Variants in GABRB1 observed in about 807,000 individuals in gnomAD.
The protein encoded by GABRB1 is gamma-aminobutyric acid receptor subunit beta-1.
In GABRB1, 17 loss-of-function variants were observed where a neutral mutation model predicts 51.6. The observed-to-expected ratio is 0.33, with a 90% CI of 0.23 to 0.49. GABRB1 has a LOEUF of 0.49. Among genes scored for constraint, GABRB1 ranks in the 20% least tolerant of loss-of-function variants. The pLI, the probability that GABRB1 is intolerant of heterozygous loss-of-function variation, is 0.99. For synonymous variants in GABRB1, 247 were observed against 218.9 expected, an observed-to-expected ratio of 1.13 and a Z score of -1.14; for missense variants, 410 against 600.6, an observed-to-expected ratio of 0.68 and a Z score of 3.32.
intron 4 of GABRB1, among the ~76,000 whole-genome samples, chr4:47,228,570 T>A (rs1411828129): frequency 6.6e-6 from 1 of 152,176 alleles, no homozygotes; most frequent in Non-Finnish European, 1.5e-5. Context: ...GGTAGCACTC[T>A]GGATCTTTGT....
intron 4 of GABRB1, among the ~76,000 whole-genome samples, chr4:47,295,856 G>A (rs1723967422): frequency 1.3e-5 from 2 of 152,188 alleles, no homozygotes; most frequent in East Asian, 3.9e-4. Context: ...GGTAGCCAGA[G>A]AGAAAGGTCG....
chr4:47,412,417 CTA>C (rs1241841494), intron 8 of GABRB1, among the ~76,000 whole-genome samples: 1 of 152,108 alleles, frequency 6.6e-6, no homozygotes, highest in African/African-American at 2.4e-5. Flanking sequence ...GAAAAAGAGA[CTA>C]TACTCCACTT....
chr4:47,384,346 A>G lies in GABRB1; in HGVS notation c.545-18972A>G, dbSNP rs560618870. ...TTTAGATTTTAATGGATTTTCCAAA[A>G]ATGTGCTTTATTGACAAATCACTAT... On this transcript the variant is annotated intron_variant, in intron 5 of 8. Coordinates refer to ENST00000295454, the MANE Select transcript of GABRB1 (RefSeq NM_000812.4). 6.7e-4 allele frequency among the ~76,000 whole-genome samples: 102 copies of G among 152,074 alleles called. 1 individual carries two copies. Among genetic ancestry groups the G allele is most frequent in the Middle Eastern group, 3.4e-3 (1 of 294 alleles).
chr4:47,099,138 A>G (rs1044550410), intron 3 of GABRB1, among the ~76,000 whole-genome samples: 5 of 152,096 alleles, frequency 3.3e-5, no homozygotes, highest in African/African-American at 9.7e-5. Flanking sequence ...GGGTTTGAAA[A>G]TTCTATCAAA....
At chr4:47,140,677 G>A (rs1455488258) in intron 3 of GABRB1, among the ~76,000 whole-genome samples, 1 of 151,194 alleles carries the variant, frequency 6.6e-6, no homozygotes, top group Non-Finnish European at 1.5e-5. Context: ...ATGAGAAAGT[G>A]CCCTTTCCCC....
chr4:47,413,510 T>A (rs1219472233), intron 8 of GABRB1, among the ~76,000 whole-genome samples: 1 of 152,228 alleles, frequency 6.6e-6, no homozygotes, highest in Non-Finnish European at 1.5e-5. Flanking sequence ...ACCTGCTAGT[T>A]AAACTCAAAA....
At chr4:47,049,246 C>T (rs988571271) in intron 3 of GABRB1, among the ~76,000 whole-genome samples, 3 of 152,082 alleles carry the variant, frequency 2.0e-5, no homozygotes, top group African/African-American at 7.2e-5. Context: ...CCCGAATAAT[C>T]CAAAATCATT....
chr4:47,383,723 G>A (rs983740590), intron 5 of GABRB1, among the ~76,000 whole-genome samples: 1 of 152,192 alleles, frequency 6.6e-6, no homozygotes, highest in East Asian at 1.9e-4. Context: ...AAATGTTAGT[G>A]AAAGTATTAT....
chr4:47,116,804 T>C (rs1434424457), intron 3 of GABRB1, among the ~76,000 whole-genome samples: 2 of 152,144 alleles, frequency 1.3e-5, no homozygotes, highest in African/African-American at 4.8e-5. Context: ...GACTCACAGT[T>C]CCACAGGCTG....
chr4:47,277,003 A>G (rs1002789995), intron 4 of GABRB1, among the ~76,000 whole-genome samples: 18 of 152,076 alleles, frequency 1.2e-4, no homozygotes, highest in African/African-American at 4.3e-4. Context: ...CATAGGTAGG[A>G]TTCTAGGGGT....
rs78414506 is a variant in GABRB1 at position 47,182,205 on chromosome 4, G to A, written c.461+20736G>A. Among the ~76,000 whole-genome samples, 913 of 152,020 alleles carry A rather than the reference G, an allele frequency of 6.0e-3. 8 individuals carry two copies. Among genetic ancestry groups the A allele is most frequent in the African/African-American group, 0.019 (779 of 41,504 alleles). ...AGCATGAGAGCCATTTCCTGGGATCGCTCAGAAAAGCATGAGAGAAATTTC... is the reference window on the plus strand; with the variant it reads ...AGCATGAGAGCCATTTCCTGGGATCACTCAGAAAAGCATGAGAGAAATTTC... On this transcript the variant is annotated intron_variant, in intron 4 of 8. Coordinates refer to ENST00000295454, the MANE Select transcript of GABRB1 (RefSeq NM_000812.4).
intron 3 of GABRB1, among the ~76,000 whole-genome samples, chr4:47,040,631 A>T (rs1053498803): frequency 1.2e-4 from 19 of 152,308 alleles, no homozygotes; most frequent in African/African-American, 2.6e-4. Context: ...AGTATATGTT[A>T]TAAGGCACTT....
chr4:47,292,036 G>A (rs185131272), intron 4 of GABRB1, among the ~76,000 whole-genome samples: 2,220 of 152,278 alleles, frequency 0.015, 24 homozygotes, highest in Non-Finnish European at 0.021. Context: ...GGAATGATAA[G>A]GTTTGGTTTT....
chr4:47,014,805 A>G (rs558534227), intron 1 of GABRB1, among the ~76,000 whole-genome samples: 9 of 152,380 alleles, frequency 5.9e-5, no homozygotes, highest in African/African-American at 1.9e-4. Flanking sequence ...AATCCAGGAT[A>G]TAGATAGGAT....
At chr4:47,352,589 C>T (rs965469600) in intron 5 of GABRB1, among the ~76,000 whole-genome samples, 2 of 152,170 alleles carry the variant, frequency 1.3e-5, no homozygotes, top group Admixed American at 6.5e-5. Flanking sequence ...GGCTTCATCC[C>T]TGGGATGCAA....
At chr4:47,324,368 C>T (rs573077568) in intron 5 of GABRB1, among the ~76,000 whole-genome samples, 15 of 152,266 alleles carry the variant, frequency 9.9e-5, no homozygotes, top group African/African-American at 3.6e-4. Context: ...CACCCCTGAG[C>T]TCTCAGATCC....
At chr4:47,305,565 G>A (rs1724434757) in intron 4 of GABRB1, among the ~76,000 whole-genome samples, 1 of 151,998 alleles carries the variant, frequency 6.6e-6, no homozygotes, top group Non-Finnish European at 1.5e-5. Flanking sequence ...ATTTCCTATG[G>A]GGTACTTACC....
At chr4:47,401,925 A>G (rs2110049896) in intron 5 of GABRB1, among the ~76,000 whole-genome samples, 1 of 152,232 alleles carries the variant, frequency 6.6e-6, no homozygotes, top group East Asian at 1.9e-4. Flanking sequence ...GTTTTTATCA[A>G]ATTCTCAAGG....
intron 3 of GABRB1, among the ~76,000 whole-genome samples, chr4:47,123,264 T>G (rs145037694): frequency 0.013 from 1,798 of 143,770 alleles, 12 homozygotes; most frequent in Non-Finnish European, 0.021. Flanking sequence ...TGTGTATGTG[T>G]GTGTGTGTAT....
Sources: allele counts gnomAD v4.1 joint callset (sites outside exome capture counted in the v4.1 genomes callset), GRCh38; gene constraint gnomAD v4.1.1; transcripts MANE v1.5; gene names NCBI Gene and HGNC (gene_info 2026-07-23, HGNC 2026-07-21).